The following CTNND2 variants were observed in gnomAD, a reference collection of about 807,000 sequenced individuals.
CTNND2 encodes the protein catenin delta-2.
In CTNND2, 22 loss-of-function variants were observed where a neutral mutation model predicts 144.4. The ratio of observed to expected loss-of-function variants is 0.15; its 90% CI spans 0.11 to 0.22. The LOEUF (loss-of-function observed/expected upper bound fraction) is 0.22, where lower values mean the gene tolerates loss of function less well. Ranked by LOEUF, CTNND2 falls within the 10% of genes least tolerant of loss-of-function variation. CTNND2 has a pLI of 1.00. For synonymous variants in CTNND2, 751 were observed against 695.6 expected (o/e 1.08, Z -1.25); for missense variants, 1,353 against 1,618.8 (o/e 0.84, Z 2.82).
At chr5:11,776,925 T>C (rs1790286580) in intron 1 of CTNND2, among the ~76,000 whole-genome samples, 1 of 152,170 alleles carries the variant, frequency 6.6e-6, no homozygotes, top group South Asian at 2.1e-4. Flanking sequence ...ATTAGGCAAG[T>C]TATACTACTG....
intron 2 of CTNND2, among the ~76,000 whole-genome samples, chr5:11,587,378 T>C (rs990888742): frequency 1.3e-5 from 2 of 152,094 alleles, no homozygotes; most frequent in Non-Finnish European, 2.9e-5. Flanking sequence ...TGAAATGAAA[T>C]ACTTAGTAAG....
chr5:11,393,109 T>C (rs1290541146), intron 6 of CTNND2, among the ~76,000 whole-genome samples: 4 of 152,210 alleles, frequency 2.6e-5, no homozygotes, highest in Non-Finnish European at 4.4e-5. Context: ...ATGATTATGA[T>C]ATAGCATTAA....
At chr5:11,165,667 G>A (rs923832054) in intron 11 of CTNND2, among the ~76,000 whole-genome samples, 6 of 152,076 alleles carry the variant, frequency 3.9e-5, no homozygotes, top group African/African-American at 9.6e-5. Context: ...AGACATTTAC[G>A]TATACTAAAG....
Position 11,784,442 on chromosome 5 carries a change from T to G in CTNND2, c.38-52170A>C, listed in dbSNP as rs73743236. On this transcript the variant is annotated intron_variant, in intron 1 of 21. Transcript: ENST00000304623. ...GGATGTGATAGGCAAAACTCTAAAA[T>G]GACCCCCATGTAATCCATATCCTTT... is the stretch of plus-strand genomic sequence containing the variant. Among the ~76,000 whole-genome samples, 1,170 of 152,278 alleles carry G rather than the reference T, an allele frequency of 7.7e-3. 8 individuals carry two copies. Among genetic ancestry groups the G allele is most frequent in the African/African-American group, 0.027 (1,112 of 41,568 alleles).
chr5:11,604,409 T>G (rs921454605), intron 2 of CTNND2, among the ~76,000 whole-genome samples: 1 of 152,202 alleles, frequency 6.6e-6, no homozygotes, highest in Non-Finnish European at 1.5e-5. Flanking sequence ...GAAAGCACTA[T>G]TGATCTCTTT....
chr5:11,704,886 C>G (rs986912933), intron 2 of CTNND2, among the ~76,000 whole-genome samples: 4 of 151,746 alleles, frequency 2.6e-5, no homozygotes, highest in Non-Finnish European at 5.9e-5. Flanking sequence ...TGGAAAATAT[C>G]TACAATACAA....
intron 5 of CTNND2, among the ~76,000 whole-genome samples, chr5:11,406,930 T>C (rs1761145786): frequency 6.6e-6 from 1 of 152,160 alleles, no homozygotes; most frequent in Non-Finnish European, 1.5e-5. Context: ...TTCATTAATA[T>C]GCTACAGAAA....
chr5:11,235,520 G>A (rs1366971471), intron 10 of CTNND2, among the ~76,000 whole-genome samples: 1 of 151,986 alleles, frequency 6.6e-6, no homozygotes, highest in African/African-American at 2.4e-5. Context: ...TCTAAACTTT[G>A]GCACTGCTGA....
chr5:11,411,277 T>C (rs1388638185), intron 5 of CTNND2, among the ~76,000 whole-genome samples: 2 of 152,090 alleles, frequency 1.3e-5, no homozygotes, highest in Non-Finnish European at 2.9e-5. Flanking sequence ...CAGAGAACAG[T>C]GAGAATCACC....
chr5:11,473,795 G>C (rs2149960587), intron 3 of CTNND2, among the ~76,000 whole-genome samples: 1 of 152,324 alleles, frequency 6.6e-6, no homozygotes, highest in South Asian at 2.1e-4. Flanking sequence ...TCTGAGACCA[G>C]AGCATCCAAG....
At chr5:11,434,654 A>G (rs1316512730) in intron 3 of CTNND2, among the ~76,000 whole-genome samples, 1 of 152,182 alleles carries the variant, frequency 6.6e-6, no homozygotes, top group Non-Finnish European at 1.5e-5. Flanking sequence ...GGGTAGAAAA[A>G]GGGGTATGTG....
chr5:11,516,585 C>T (rs1029626245), intron 3 of CTNND2, among the ~76,000 whole-genome samples: 30 of 152,146 alleles, frequency 2.0e-4, no homozygotes, highest in Non-Finnish European at 3.2e-4. Flanking sequence ...AATACAATTT[C>T]ACTTACAATA....
chr5:11,510,946 G>T (rs752183049), intron 3 of CTNND2, among the ~76,000 whole-genome samples: 7 of 148,660 alleles, frequency 4.7e-5, no homozygotes, highest in Non-Finnish European at 1.0e-4. Context: ...AAAAAAAAAT[G>T]CATTTGAATA....
chr5:11,328,417 T>C (rs764005794), intron 9 of CTNND2, among the ~76,000 whole-genome samples: 13 of 152,060 alleles, frequency 8.5e-5, no homozygotes, highest in Middle Eastern at 6.8e-3. Flanking sequence ...CCTCGGCCTC[T>C]GGAGTAGCTG....
chr5:11,273,741 C>T (rs1746251225), intron 9 of CTNND2, among the ~76,000 whole-genome samples: 2 of 152,122 alleles, frequency 1.3e-5, no homozygotes, highest in South Asian at 4.2e-4. Flanking sequence ...TGGGCAACCT[C>T]ATGTTTATTG....
At chr5:11,174,474 T>G in intron 11 of CTNND2, among the ~76,000 whole-genome samples, 1 of 152,242 alleles carries the variant, frequency 6.6e-6, no homozygotes, top group Middle Eastern at 3.2e-3. Context: ...TTGCTACTCT[T>G]GAATGTCAGT....
At chr5:11,612,107 C>T (rs1413672553) in intron 2 of CTNND2, among the ~76,000 whole-genome samples, 1 of 152,116 alleles carries the variant, frequency 6.6e-6, no homozygotes, top group Non-Finnish European at 1.5e-5. Context: ...AATATAGCAC[C>T]TTAAAACTAA....
intron 2 of CTNND2, among the ~76,000 whole-genome samples, chr5:11,637,531 A>G (rs967029843): frequency 6.6e-5 from 10 of 152,154 alleles, no homozygotes; most frequent in Admixed American, 4.6e-4. Context: ...ATTTATTACA[A>G]TCTTAGTACA....
intron 9 of CTNND2, among the ~76,000 whole-genome samples, chr5:11,310,138 CAAGTA>C (rs997560031): frequency 7.9e-5 from 12 of 152,146 alleles, no homozygotes; most frequent in African/African-American, 2.9e-4. Flanking sequence ...TATTATTTAA[CAAGTA>C]TTTGGTCCCT....
Sources: gnomAD v4.1 joint callset for allele counts (sites outside exome capture counted in the v4.1 genomes callset) on GRCh38, gnomAD v4.1.1 for gene constraint, MANE v1.5 for transcripts, NCBI Gene and HGNC (gene_info 2026-07-23, HGNC 2026-07-21) for gene names.